CCDC91: variants seen among roughly 807,000 people sequenced by gnomAD.
The protein encoded by CCDC91 is coiled-coil domain-containing protein 91.
In CCDC91, 48 loss-of-function variants were observed where a neutral mutation model predicts 63.2. That is an observed-to-expected ratio of 0.76 (90% CI 0.60 to 0.97). CCDC91 has a LOEUF of 0.97. CCDC91 is among the 50% of genes least tolerant of loss of function. CCDC91 has a pLI of 0.00. For missense variants in CCDC91, 500 were observed against 494.6 expected (o/e 1.01, Z -0.10); for synonymous variants, 167 against 165.8 (o/e 1.01, Z -0.06).
At chr12:28,371,978 A>AT (rs1944651479) in intron 7 of CCDC91, among the ~76,000 whole-genome samples, 1 of 152,128 alleles carries the variant, frequency 6.6e-6, no homozygotes, top group South Asian at 2.1e-4. Flanking sequence ...TGGGTCTTAG[A>AT]TTTAAGTCTT....
intron 11 of CCDC91, among the ~76,000 whole-genome samples, chr12:28,473,366 C>T (rs533044399): frequency 6.6e-6 from 1 of 152,284 alleles, no homozygotes; most frequent in Admixed American, 6.6e-5. Context: ...TCACTCTTAG[C>T]AGTATTCATT....
rs114272985 is a variant in CCDC91 at position 28,384,153 on chromosome 12, A to T, written c.655-7151A>T. Among the ~76,000 whole-genome samples, 1,023 of 152,194 alleles carry T rather than the reference A, an allele frequency of 6.7e-3. 17 individuals carry two copies. Among genetic ancestry groups the T allele is most frequent in the African/African-American group, 0.023 (946 of 41,558 alleles). On this transcript the variant is annotated intron_variant, in intron 7 of 12. Coordinates refer to ENST00000536442, the MANE Select transcript of CCDC91 (RefSeq NM_018318.5). ...TCTTTTTTTAACCAGTCTCTTCATG[A>T]TAAAATGGAGAATGTAAGTATTGCA...
At chr12:28,356,593 T>A (rs1943543090) in intron 6 of CCDC91, among the ~76,000 whole-genome samples, 1 of 152,172 alleles carries the variant, frequency 6.6e-6, no homozygotes, top group Admixed American at 6.5e-5. Context: ...ATACAGTGGA[T>A]TCGTTGTTGT....
chr12:28,280,478 A>G (rs1948532540), intron 3 of CCDC91, among the ~76,000 whole-genome samples: 2 of 152,094 alleles, frequency 1.3e-5, no homozygotes, highest in Non-Finnish European at 2.9e-5. Flanking sequence ...GTGAGGTAAT[A>G]ACTGATCTTA....
chr12:28,427,470 G>A (rs1482056801), intron 8 of CCDC91, among the ~76,000 whole-genome samples: 1 of 152,112 alleles, frequency 6.6e-6, no homozygotes, highest in African/African-American at 2.4e-5. Flanking sequence ...GAAAGTATGA[G>A]AGCAACTAAC....
At chr12:28,414,912 GA>G (rs1386387843) in intron 8 of CCDC91, among the ~76,000 whole-genome samples, 1 of 152,002 alleles carries the variant, frequency 6.6e-6, no homozygotes, top group Non-Finnish European at 1.5e-5. Context: ...TAGAAACAAT[GA>G]AAAAACCCGT....
At position 28,267,780 on chromosome 12, in the gene CCDC91, A is replaced by T. The variant is rs189064624; in HGVS notation, c.109+8338A>T. Among the ~76,000 whole-genome samples, 197 of 23,136 alleles carry T rather than the reference A, an allele frequency of 8.5e-3. 13 individuals are homozygous for T. Among genetic ancestry groups the T allele is most frequent in the Middle Eastern group, 0.033 (1 of 30 alleles). The allele number at this position is 23,136 out of a possible 152,430, so 15.2% of individuals were successfully genotyped here. A position where few individuals can be genotyped will look rare whatever the true frequency, so the allele number is the denominator to read the frequency against. ...ATAATTATATATAATTATATTATTA[A>T]TATATAATTATATATAATTATATAG... On this transcript the variant is annotated intron_variant, in intron 3 of 12. Coordinates refer to ENST00000536442, the MANE Select transcript of CCDC91 (RefSeq NM_018318.5).
At chr12:28,391,213 C>T (rs1945921146) in intron 7 of CCDC91, 91 bp from the exon 8 acceptor site, 1 of 674,502 alleles carries the variant, frequency 1.5e-6, no homozygotes, top group Non-Finnish European at 2.7e-6. Context: ...TATCGTATTA[C>T]AGTATGTACA....
At chr12:28,347,520 G>C (rs1370495005) in intron 6 of CCDC91, among the ~76,000 whole-genome samples, 1 of 152,044 alleles carries the variant, frequency 6.6e-6, no homozygotes, top group Admixed American at 6.6e-5. Flanking sequence ...ATTCAGATTA[G>C]GTACAGTTAC....
At chr12:28,392,322 C>G (rs1945996666) in intron 8 of CCDC91, among the ~76,000 whole-genome samples, 1 of 152,178 alleles carries the variant, frequency 6.6e-6, no homozygotes, top group African/African-American at 2.4e-5. Context: ...CCTAAACTCT[C>G]TGGCTTCAAA....
At chr12:28,391,026 C>T (rs546870906) in intron 7 of CCDC91, among the ~76,000 whole-genome samples, 1 of 151,194 alleles carries the variant, frequency 6.6e-6, no homozygotes, top group South Asian at 2.1e-4. Flanking sequence ...GAACTACTCA[C>T]CCTCTCTATC....
At chr12:28,531,595 T>G (rs1592975246) in intron 12 of CCDC91, among the ~76,000 whole-genome samples, 1 of 152,300 alleles carries the variant, frequency 6.6e-6, no homozygotes, top group East Asian at 1.9e-4. Flanking sequence ...TGCAGTTTCT[T>G]GTAATTGTTT....
intron 6 of CCDC91, among the ~76,000 whole-genome samples, chr12:28,317,215 A>G (rs1448573415): frequency 6.6e-6 from 1 of 152,022 alleles, no homozygotes; most frequent in Non-Finnish European, 1.5e-5. Flanking sequence ...TGTGATAGGA[A>G]TATCCCAGTT....
intron 3 of CCDC91, among the ~76,000 whole-genome samples, chr12:28,296,687 C>G (rs767801775): frequency 6.6e-6 from 1 of 151,808 alleles, no homozygotes; most frequent in Non-Finnish European, 1.5e-5. Flanking sequence ...GAGTAACCCT[C>G]CTTGGATAGA....
chr12:28,275,480 T>C (rs1948144046), intron 3 of CCDC91, among the ~76,000 whole-genome samples: 1 of 152,118 alleles, frequency 6.6e-6, no homozygotes, highest in Non-Finnish European at 1.5e-5. Context: ...CAGTAAGTAA[T>C]AGCTTACCAA....
At chr12:28,529,344 A>G (rs1421835639) in intron 12 of CCDC91, among the ~76,000 whole-genome samples, 1 of 152,204 alleles carries the variant, frequency 6.6e-6, no homozygotes. Flanking sequence ...CTAGAGTTTG[A>G]GCCATGTCAT....
At chr12:28,386,536 T>G (rs1193761845) in intron 7 of CCDC91, among the ~76,000 whole-genome samples, 10 of 152,056 alleles carry the variant, frequency 6.6e-5, no homozygotes. Context: ...GCCCCACTAA[T>G]TTTTGTATTT....
intron 12 of CCDC91, among the ~76,000 whole-genome samples, chr12:28,525,592 G>A (rs1408574314): frequency 3.3e-5 from 5 of 152,038 alleles, no homozygotes; most frequent in South Asian, 2.1e-4. Flanking sequence ...TGGGTAGAAC[G>A]TTCTGTAAAT....
intron 8 of CCDC91, among the ~76,000 whole-genome samples, chr12:28,433,725 G>A (rs1948751067): frequency 6.6e-6 from 1 of 151,826 alleles, no homozygotes; most frequent in African/African-American, 2.4e-5. Flanking sequence ...GAATCAGTTT[G>A]TTGATATCCA....
Sources: allele counts gnomAD v4.1 joint callset (sites outside exome capture counted in the v4.1 genomes callset), GRCh38; gene constraint gnomAD v4.1.1; transcripts MANE v1.5; gene names NCBI Gene and HGNC (gene_info 2026-07-23, HGNC 2026-07-21).